The following EHBP1 variants were observed in gnomAD, a reference collection of about 807,000 sequenced individuals.
The protein encoded by EHBP1 is EH domain binding protein 1, also known as EH domain-binding protein 1.
A neutral mutation model predicts 144.0 loss-of-function variants in EHBP1; 55 were observed. The observed-to-expected ratio is 0.38, with a 90% confidence interval of 0.31 to 0.48. The LOEUF is 0.48. Ranked by LOEUF, EHBP1 falls within the 20% of genes least tolerant of loss-of-function variation. The probability of loss-of-function intolerance (pLI) is 0.98; values close to 1 mark genes in which losing one functional copy is unlikely to be tolerated. For synonymous variants in EHBP1, 469 were observed against 472.7 expected (o/e 0.99, Z 0.10); for missense variants, 1,200 against 1,364.2 (o/e 0.88, Z 1.90).
chr2:62,732,920 TTGA>T (rs753016870), intron 2 of EHBP1, among the ~76,000 whole-genome samples: 34 of 152,360 alleles, frequency 2.2e-4, no homozygotes, highest in Non-Finnish European at 4.3e-4. Context: ...CATCAGTCTG[TTGA>T]TGAGCCTATC....
intron 16 of EHBP1, 78 bp downstream of exon 16, chr2:62,990,918 A>G: frequency 8.7e-6 from 13 of 1,489,930 alleles, no homozygotes; most frequent in Non-Finnish European, 1.1e-5. Context: ...AATTCCAAAA[A>G]CAATTTTTTA....
At chr2:63,037,747 G>A (rs1193934201) in intron 20 of EHBP1, 113 bp downstream of exon 20, 2 of 602,252 alleles carry the variant, frequency 3.3e-6, no homozygotes, top group African/African-American at 1.9e-5. Context: ...TTTCCTTAGC[G>A]ATTACATGTT....
chr2:62,723,379 G>A (rs777802506), intron 2 of EHBP1, among the ~76,000 whole-genome samples: 2 of 152,122 alleles, frequency 1.3e-5, no homozygotes, highest in Non-Finnish European at 2.9e-5. Flanking sequence ...GGGTGTCATT[G>A]CATGTGAGGT....
chr2:62,955,608 A>G lies in EHBP1; in HGVS notation c.2408A>G (p.Asn803Ser), dbSNP rs750581609. 3.1e-6 allele frequency: 5 copies of G among 1,612,622 alleles called. No individual in the cohort carries two copies. Among genetic ancestry groups the G allele is most frequent in the Non-Finnish European group, 4.2e-6 (5 of 1,179,146 alleles). ...ARRDAALKAG[N>S]KHNTNTATPF... ...AGAGATGCAGCCTTAAAGGCGGGGA[A>G]TAAGCACAATACCAACACAGCCACC... Residue 803 changes from asparagine to serine, a missense_variant, in exon 14 of 23, where the codon AAT becomes AGT. Asn to Ser is a conservative substitution (Grantham distance 46, BLOSUM62 1). Around this residue, in one of 6 missense-constraint regions of EHBP1, gnomAD observed 543 missense variants for 513.1 expected, o/e 1.06. Coordinates refer to ENST00000431489, the MANE Select transcript of EHBP1 (RefSeq NM_001142616.3).
chr2:62,775,969 C>T (rs1276696174), intron 5 of EHBP1, among the ~76,000 whole-genome samples: 1 of 152,168 alleles, frequency 6.6e-6, no homozygotes, highest in Non-Finnish European at 1.5e-5. Context: ...AGCTTTTAAT[C>T]AGTCTTCTGT....
At chr2:62,987,637 T>C (rs565376007) in intron 15 of EHBP1, among the ~76,000 whole-genome samples, 4 of 152,300 alleles carry the variant, frequency 2.6e-5, no homozygotes, top group Admixed American at 2.6e-4. Context: ...TAGATTACAC[T>C]TTAAAATACA....
At chr2:62,968,248 A>T (rs571257956) in intron 14 of EHBP1, among the ~76,000 whole-genome samples, 1 of 152,332 alleles carries the variant, frequency 6.6e-6, no homozygotes, top group East Asian at 1.9e-4. Context: ...GATTAGGAAG[A>T]TCATTAACAC....
At chr2:62,774,979 A>T (rs1019306819) in intron 5 of EHBP1, among the ~76,000 whole-genome samples, 1 of 152,208 alleles carries the variant, frequency 6.6e-6, no homozygotes, top group Non-Finnish European at 1.5e-5. Context: ...AGATAAAATA[A>T]ATACATAATG....
intron 2 of EHBP1, among the ~76,000 whole-genome samples, chr2:62,715,901 A>T (rs921443539): frequency 6.6e-6 from 1 of 152,180 alleles, no homozygotes; most frequent in Non-Finnish European, 1.5e-5. Context: ...ACAACAAACT[A>T]ATCTTTACCC....
chr2:62,723,870 C>G (rs140033703), intron 2 of EHBP1, among the ~76,000 whole-genome samples: 7 of 152,294 alleles, frequency 4.6e-5, no homozygotes, highest in Non-Finnish European at 8.8e-5. Flanking sequence ...TGATGGGCTT[C>G]TCTTTGTAGA....
chr2:62,962,773 T>C (rs2058061230), intron 14 of EHBP1, among the ~76,000 whole-genome samples: 1 of 152,260 alleles, frequency 6.6e-6, no homozygotes, highest in Non-Finnish European at 1.5e-5. Context: ...TGTTTTTGTT[T>C]TGTTTAAGCA....
At chr2:62,983,930 A>G (rs905334009) in intron 15 of EHBP1, among the ~76,000 whole-genome samples, 1 of 152,172 alleles carries the variant, frequency 6.6e-6, no homozygotes, top group African/African-American at 2.4e-5. Context: ...GCCCATGAGA[A>G]TGTCTGCATG....
chr2:62,940,133 G>A (rs1207460113), intron 10 of EHBP1: 8 of 412,290 alleles, frequency 1.9e-5, no homozygotes, highest in East Asian at 1.3e-4. Context: ...CAAGAAAAAC[G>A]CCTGTGGTAA....
Position 62,737,143 on chromosome 2 carries a change from G to A in EHBP1, c.105-10252G>A, listed in dbSNP as rs577909012. 2.6e-5 allele frequency among the ~76,000 whole-genome samples: 4 copies of A among 152,250 alleles called. No homozygotes were observed. In the East Asian group the frequency reaches 5.8e-4, roughly 22 times the overall value. On this transcript the variant is annotated intron_variant, in intron 2 of 22. Transcript: ENST00000431489. Reference sequence around the variant, plus strand: ...ATTTTCCTTTTCCCAGGTCAGTTAGGCTCTGACAAAACCCCAGCAGGCTAG... The same window carrying A: ...ATTTTCCTTTTCCCAGGTCAGTTAGACTCTGACAAAACCCCAGCAGGCTAG...
chr2:62,980,018 A>G (rs904363519), intron 15 of EHBP1, among the ~76,000 whole-genome samples: 17 of 152,162 alleles, frequency 1.1e-4, no homozygotes, highest in African/African-American at 4.1e-4. Context: ...AAGGTATATA[A>G]CCTACTTATC....
At chr2:62,945,463 T>G (rs1002976027) in intron 12 of EHBP1, among the ~76,000 whole-genome samples, 5 of 152,216 alleles carry the variant, frequency 3.3e-5, no homozygotes, top group African/African-American at 1.2e-4. Context: ...AGAAGTTCAA[T>G]TAACAAGTCT....
At chr2:62,880,698 A>G (rs1411352709) in intron 10 of EHBP1, among the ~76,000 whole-genome samples, 2 of 152,192 alleles carry the variant, frequency 1.3e-5, no homozygotes, top group South Asian at 2.1e-4. Flanking sequence ...CAAAACCACA[A>G]TGAGATACTG....
chr2:62,911,251 A>T (rs1019469906), intron 10 of EHBP1, among the ~76,000 whole-genome samples: 4 of 152,162 alleles, frequency 2.6e-5, no homozygotes, highest in African/African-American at 9.7e-5. Context: ...AGGAATAATA[A>T]TAGTGCTTAT....
At chr2:62,711,985 A>G (rs556023814) in intron 2 of EHBP1, among the ~76,000 whole-genome samples, 140 of 152,288 alleles carry the variant, frequency 9.2e-4, no homozygotes, top group African/African-American at 3.3e-3. Context: ...AAAGCAGAGA[A>G]CTAGGTAATA....
Sources: allele counts gnomAD v4.1 joint callset (sites outside exome capture counted in the v4.1 genomes callset), GRCh38; gene constraint gnomAD v4.1.1; regional missense constraint gnomAD v4.1.1; transcripts MANE v1.5; gene names NCBI Gene and HGNC (gene_info 2026-07-23, HGNC 2026-07-21).